SOX6: variants seen among roughly 807,000 people sequenced by gnomAD.
The protein encoded by SOX6 is transcription factor SOX-6.
A neutral mutation model predicts 97.8 loss-of-function variants in SOX6; 11 were observed. The observed-to-expected ratio is 0.11, with a 90% CI of 0.07 to 0.19. SOX6 has a LOEUF of 0.19. Among genes scored for constraint, SOX6 ranks in the 10% least tolerant of loss-of-function variants. The pLI is 1.00. For missense variants in SOX6, 810 were observed against 1,039.5 expected, an observed-to-expected ratio of 0.78 and a Z score of 3.04; for synonymous variants, 360 against 371.4, an observed-to-expected ratio of 0.97 and a Z score of 0.35.
chr11:16,240,159 A>G (rs1853142224), intron 3 of SOX6, among the ~76,000 whole-genome samples: 1 of 152,058 alleles, frequency 6.6e-6, no homozygotes, highest in African/African-American at 2.4e-5. Context: ...GTGTGAAAAA[A>G]TAGATTTAGT....
chr11:16,265,714 G>C (rs981259926), intron 3 of SOX6, among the ~76,000 whole-genome samples: 6 of 151,966 alleles, frequency 3.9e-5, no homozygotes, highest in African/African-American at 1.4e-4. Context: ...CTAGTAGAAA[G>C]ATGTAAAAGG....
intron 1 of SOX6, among the ~76,000 whole-genome samples, chr11:16,430,395 G>A (rs536223618): frequency 6.6e-6 from 1 of 152,144 alleles, no homozygotes; most frequent in African/African-American, 2.4e-5. Flanking sequence ...CTGGATTACT[G>A]CAAAAGCCTC....
chr11:16,716,086 T>A (rs1422408074), intron 2 of SOX6, among the ~76,000 whole-genome samples: 1 of 151,974 alleles, frequency 6.6e-6, no homozygotes, highest in Non-Finnish European at 1.5e-5. Context: ...AATACAAAAA[T>A]TTATCCAGGC....
upstream of SOX6, among the ~76,000 whole-genome samples, chr11:16,480,630 T>C (rs1860326160): frequency 8.0e-6 from 1 of 124,438 alleles, no homozygotes; most frequent in Non-Finnish European, 1.7e-5. Flanking sequence ...GCCACACCCA[T>C]TTCTGTTTTT....
At chr11:16,044,666 A>G (rs1474637829) in intron 12 of SOX6, among the ~76,000 whole-genome samples, 3 of 152,212 alleles carry the variant, frequency 2.0e-5, no homozygotes, top group African/African-American at 7.2e-5. Flanking sequence ...GATTCTAGAT[A>G]CTAAACAAAG....
intron 3 of SOX6, among the ~76,000 whole-genome samples, chr11:16,280,683 T>G (rs1854531670): frequency 6.6e-6 from 1 of 152,112 alleles, no homozygotes; most frequent in Non-Finnish European, 1.5e-5. Context: ...TGAGCTACTT[T>G]CTCACCAAAT....
chr11:16,540,921 C>A (rs557350394), intron 4 of SOX6, among the ~76,000 whole-genome samples: 1 of 152,232 alleles, frequency 6.6e-6, no homozygotes, highest in Non-Finnish European at 1.5e-5. Flanking sequence ...GATTCAATGC[C>A]ATCCCCATCA....
At chr11:16,731,779 A>G (rs1848352009) in intron 2 of SOX6, among the ~76,000 whole-genome samples, 1 of 152,228 alleles carries the variant, frequency 6.6e-6, no homozygotes, top group African/African-American at 2.4e-5. Context: ...AGGGTATTCA[A>G]TTAGGAAATG....
At chr11:16,104,233 TC>T (rs1282767169) in intron 7 of SOX6, among the ~76,000 whole-genome samples, 1 of 151,992 alleles carries the variant, frequency 6.6e-6, no homozygotes, top group Admixed American at 6.6e-5. Context: ...ATTTAAATAA[TC>T]AACTATTACA....
chr11:16,238,384 C>T (rs1853087666), intron 3 of SOX6, among the ~76,000 whole-genome samples: 1 of 152,006 alleles, frequency 6.6e-6, no homozygotes, highest in Admixed American at 6.6e-5. Context: ...AATGTTTCTG[C>T]TTCCTAAGTA....
chr11:16,082,343 C>T (rs1053724783), intron 9 of SOX6, among the ~76,000 whole-genome samples: 2 of 152,270 alleles, frequency 1.3e-5, no homozygotes, highest in East Asian at 1.9e-4. Flanking sequence ...TGCCAAGGAA[C>T]ATTTTATTAT....
chr11:16,203,118 C>G (rs1851983144), intron 4 of SOX6, among the ~76,000 whole-genome samples: 1 of 152,066 alleles, frequency 6.6e-6, no homozygotes. Context: ...ATTAGGAATT[C>G]TGAGGACCAC....
intron 4 of SOX6, among the ~76,000 whole-genome samples, chr11:16,508,246 CA>C (rs758237465): frequency 1.9e-4 from 29 of 151,984 alleles, no homozygotes; most frequent in Non-Finnish European, 3.1e-4. Context: ...AAAAAAATAA[CA>C]GATGCCAGTG....
At chr11:16,461,736 G>C (rs1197787101) in intron 1 of SOX6, among the ~76,000 whole-genome samples, 1 of 152,220 alleles carries the variant, frequency 6.6e-6, no homozygotes, top group East Asian at 1.9e-4. Flanking sequence ...TCCTAGAGTA[G>C]TATTTTTAAC....
chr11:16,498,440 T>A (rs199598704), intron 4 of SOX6, among the ~76,000 whole-genome samples: 25,500 of 150,868 alleles, frequency 0.17, 2,227 homozygotes, highest in African/African-American at 0.19. Flanking sequence ...AAGGAAAGGA[T>A]CAAATTCACA....
intron 4 of SOX6, among the ~76,000 whole-genome samples, chr11:16,553,556 G>C (rs1847713898): frequency 6.6e-6 from 1 of 150,832 alleles, no homozygotes; most frequent in Non-Finnish European, 1.5e-5. Context: ...GATCACTTTT[G>C]TCACCATCTG....
At chr11:16,595,657 C>T (rs1315861452) in intron 4 of SOX6, among the ~76,000 whole-genome samples, 2 of 150,792 alleles carry the variant, frequency 1.3e-5, no homozygotes, top group South Asian at 2.1e-4. Context: ...CTTCTGTAGT[C>T]GCAGCTACTC....
intron 9 of SOX6, among the ~76,000 whole-genome samples, chr11:16,084,368 C>T (rs1267119111): frequency 1.3e-5 from 2 of 151,780 alleles, no homozygotes; most frequent in South Asian, 4.1e-4. Flanking sequence ...TAAAAGAGTA[C>T]CTAAGGTACA....
At chr11:15,975,887 G>A (rs1016439755) in intron 15 of SOX6, among the ~76,000 whole-genome samples, 5 of 152,170 alleles carry the variant, frequency 3.3e-5, no homozygotes, top group African/African-American at 1.2e-4. Context: ...GCTCCACATA[G>A]TTCAGAGTAT....
Sources: gnomAD v4.1 joint callset for allele counts (sites outside exome capture counted in the v4.1 genomes callset) on GRCh38, gnomAD v4.1.1 for gene constraint, MANE v1.5 for transcripts, NCBI Gene and HGNC (gene_info 2026-07-23, HGNC 2026-07-21) for gene names.